CPS1: variants seen among roughly 807,000 people sequenced by gnomAD.
CPS1 encodes the protein carbamoyl-phosphate synthase 1.
A neutral mutation model predicts 174.6 loss-of-function variants in CPS1; 109 were observed. That is an observed-to-expected ratio of 0.62 (90% CI 0.53 to 0.73). CPS1 has a LOEUF of 0.73. CPS1 is among the 30% of genes least tolerant of loss of function. CPS1 has a pLI of 0.00. For missense variants in CPS1, 1,689 were observed against 1,821.9 expected (o/e 0.93, Z 1.33); for synonymous variants, 637 against 632.0 (o/e 1.01, Z -0.12).
intron 1 of CPS1, among the ~76,000 whole-genome samples, chr2:210,549,150 T>A (rs1448714205): frequency 6.6e-6 from 1 of 152,038 alleles, no homozygotes; most frequent in Non-Finnish European, 1.5e-5. Flanking sequence ...GAGGGTCCAG[T>A]AGTGTCCTGG....
intron 21 of CPS1, among the ~76,000 whole-genome samples, chr2:210,630,374 TA>T (rs1699830698): frequency 6.6e-6 from 1 of 152,220 alleles, no homozygotes; most frequent in African/African-American, 2.4e-5. Context: ...CAGTTTCTCA[TA>T]AGGTTTCCTT....
chr2:210,524,144 T>C lies in CPS1; in HGVS notation c.4-32575T>C, dbSNP rs561312861. The stretch of plus-strand genomic sequence containing the variant: ...CATGCCTTCCTTCTAACATGTACTA[T>C]GCTCTTTATCTTTATAAACCTCTGG... On this transcript the variant is annotated intron_variant, in intron 1 of 38. Coordinates refer to the CPS1 transcript ENST00000430249. 5.3e-5 allele frequency among the ~76,000 whole-genome samples: 8 copies of C among 152,154 alleles called. No homozygotes were observed. The East Asian group carries it at 9.7e-4, about 18-fold the overall frequency.
chr2:210,634,135 CA>C (rs199578846), intron 21 of CPS1, among the ~76,000 whole-genome samples: 1 of 151,342 alleles, frequency 6.6e-6, no homozygotes, highest in African/African-American at 2.4e-5. Flanking sequence ...ACAACAATAA[CA>C]AAAAAAAATC....
intron 1 of CPS1, among the ~76,000 whole-genome samples, chr2:210,571,951 G>A (rs775052509): frequency 6.7e-6 from 1 of 149,866 alleles, no homozygotes; most frequent in Non-Finnish European, 1.5e-5. Flanking sequence ...AGATTTAAAA[G>A]GATTAGGCAC....
At chr2:210,607,839 T>A (rs1698971599) in intron 18 of CPS1, among the ~76,000 whole-genome samples, 1 of 151,778 alleles carries the variant, frequency 6.6e-6, no homozygotes, top group Non-Finnish European at 1.5e-5. Context: ...GTTCTCAAAG[T>A]GTTAGTTTTG....
Position 210,639,180 on chromosome 2 carries a change from G to T in CPS1, c.2860G>T (p.Val954Leu), listed in dbSNP as rs756163174. Residue 954 changes from valine to leucine, a missense_variant, in exon 23 of 38, where the codon GTA becomes TTA. By Grantham distance (32) the Val-to-Leu change is conservative (BLOSUM62 1). Transcript: ENST00000233072. ...IDTLAAEYPS[V>L]TNYLYVTYNG... The stretch of plus-strand genomic sequence containing the variant: ...TACACTGGCTGCAGAATACCCATCA[G>T]TAACAAACTATCTCTATGTTACCTA... 17 of 1,613,220 alleles carry T rather than the reference G, an allele frequency of 1.1e-5. No homozygotes were observed. In the East Asian group the frequency reaches 3.8e-4, roughly 36 times the overall value.
At chr2:210,494,932 T>C (rs1694955239) in intron 1 of CPS1, among the ~76,000 whole-genome samples, 1 of 152,224 alleles carries the variant, frequency 6.6e-6, no homozygotes, top group Admixed American at 6.5e-5. Context: ...GGCTTTCAGC[T>C]ATGGCTGCAC....
At chr2:210,519,273 T>G (rs1190848887) in intron 1 of CPS1, among the ~76,000 whole-genome samples, 1 of 152,038 alleles carries the variant, frequency 6.6e-6, no homozygotes, top group Non-Finnish European at 1.5e-5. Context: ...AAACTACAGA[T>G]AAGTTATATG....
At chr2:210,561,034 C>T (rs1272314001) in intron 1 of CPS1, among the ~76,000 whole-genome samples, 2 of 152,172 alleles carry the variant, frequency 1.3e-5, no homozygotes, top group Non-Finnish European at 2.9e-5. Flanking sequence ...CAATACTTCT[C>T]TAATTGGGAG....
intron 1 of CPS1, among the ~76,000 whole-genome samples, chr2:210,551,388 T>C (rs1180441757): frequency 1.3e-5 from 2 of 151,990 alleles, no homozygotes. Flanking sequence ...CACATAACAT[T>C]GGCCTAGAAT....
intron 1 of CPS1, among the ~76,000 whole-genome samples, chr2:210,500,871 C>T (rs1695121265): frequency 6.6e-6 from 1 of 152,218 alleles, no homozygotes; most frequent in Non-Finnish European, 1.5e-5. Context: ...CCCATCTTTC[C>T]CTTCCACACT....
At chr2:210,666,364 C>A (rs1304387378) in intron 33 of CPS1, among the ~76,000 whole-genome samples, 20 of 150,822 alleles carry the variant, frequency 1.3e-4, no homozygotes, top group Non-Finnish European at 2.5e-4. Flanking sequence ...GCTTTTGTTG[C>A]CATTGCTTTT....
chr2:210,604,841 T>C (rs1698851654), intron 16 of CPS1: 1 of 433,088 alleles, frequency 2.3e-6, no homozygotes, highest in Non-Finnish European at 4.2e-6. Context: ...CTCTTTTTCC[T>C]AAATTAGTTT....
intron 6 of CPS1, among the ~76,000 whole-genome samples, chr2:210,584,750 C>G (rs911427432): frequency 4.5e-4 from 68 of 152,078 alleles, no homozygotes; most frequent in African/African-American, 1.6e-3. Context: ...GTCTCTGTGG[C>G]TAACCTCATG....
In CPS1 at chr2:210,591,861, A is replaced by C; in HGVS notation, c.978A>C (p.Thr326=). 1 of 1,612,520 alleles carries C rather than the reference A, an allele frequency of 6.2e-7. No homozygotes were observed. Among genetic ancestry groups the C allele is most frequent in the Non-Finnish European group, 8.5e-7 (1 of 1,179,072 alleles). ...RGQNQPVLNI[T]NKQAFITAQN... is the part of the protein sequence containing the mutation. ...AGAATCAGCCTGTTTTGAATATCAC[A>C]AACAAACAGGCTTTCATTACTGCTC... Residue 326 remains threonine (T), a synonymous_variant, in exon 10 of 38, where the codon ACA becomes ACC. Coordinates refer to ENST00000233072, the MANE Select transcript of CPS1 (RefSeq NM_001875.5).
chr2:210,505,725 CA>C (rs1695261644), intron 1 of CPS1, among the ~76,000 whole-genome samples: 1 of 152,212 alleles, frequency 6.6e-6, no homozygotes, highest in Admixed American at 6.5e-5. Flanking sequence ...TAGCAAACGG[CA>C]CACCAGGAGA....
chr2:210,668,304 G>A lies in CPS1; in HGVS notation c.4101+20G>A. On this transcript the variant is annotated intron_variant, in intron 34 of 37. Transcript: ENST00000233072. ...ATCCAGGTAAGTGGTTTGTGGCTGT[G>A]TGCTTGCCCATGGTCATACATGGTG... The A allele has an allele frequency of 6.5e-7, 1 of 1,542,498 alleles. No individual in the cohort carries two copies. The highest frequency in any genetic ancestry group is 9.0e-7 in the Non-Finnish European group (1 of 1,114,644).
At chr2:210,577,102 G>T in intron 3 of CPS1, 1 of 331,500 alleles carries the variant, frequency 3.0e-6, no homozygotes, top group South Asian at 3.6e-5. Context: ...AATTAAAAAT[G>T]ATTTTGTTCA....
At chr2:210,526,417 T>G (rs1303166402) in intron 1 of CPS1, among the ~76,000 whole-genome samples, 2 of 151,830 alleles carry the variant, frequency 1.3e-5, no homozygotes, top group Non-Finnish European at 2.9e-5. Flanking sequence ...AAATAGGCTG[T>G]CCTGGGCGAA....
Sources: gnomAD v4.1 joint callset for allele counts (sites outside exome capture counted in the v4.1 genomes callset) on GRCh38, gnomAD v4.1.1 for gene constraint, MANE v1.5 for transcripts, NCBI Gene and HGNC (gene_info 2026-07-23, HGNC 2026-07-21) for gene names.